Variants in ACOT2 observed in about 807,000 individuals in gnomAD.
ACOT2 encodes the protein acyl-CoA thioesterase 2.
A neutral mutation model predicts 20.1 loss-of-function variants in ACOT2; 15 were observed. The ratio of observed to expected loss-of-function variants is 0.75; its 90% CI spans 0.50 to 1.15. The LOEUF (loss-of-function observed/expected upper bound fraction) is 1.15. ACOT2 is among the 50% of genes most tolerant of loss of function. The pLI is 0.00. For synonymous variants in ACOT2, 252 were observed against 268.4 expected (o/e 0.94, Z 0.60); for missense variants, 479 against 615.3 (o/e 0.78, Z 2.34).
At chr14:73,572,521 AC>A (rs1316188404) in intron 1 of ACOT2, among the ~76,000 whole-genome samples, 3 of 151,480 alleles carry the variant, frequency 2.0e-5, no homozygotes, top group African/African-American at 7.3e-5. Flanking sequence ...AGAGTGATAC[AC>A]AGAAAGTCCA....
chr14:73,568,656 T>C (rs1327461017), upstream of ACOT2, among the ~76,000 whole-genome samples: 2 of 151,932 alleles, frequency 1.3e-5, no homozygotes, highest in African/African-American at 2.4e-5. Flanking sequence ...CGGTGGCTCA[T>C]GCCTGTAAAT....
chr14:73,572,739 G>A (rs1453614739), intron 1 of ACOT2, among the ~76,000 whole-genome samples: 3 of 146,926 alleles, frequency 2.0e-5, no homozygotes, highest in East Asian at 2.0e-4. Context: ...TCCACCTCCC[G>A]GGTTCAAGCG....
upstream of ACOT2, among the ~76,000 whole-genome samples, chr14:73,568,892 C>T (rs990421492): frequency 6.6e-6 from 1 of 151,898 alleles, no homozygotes; most frequent in African/African-American, 2.4e-5. Context: ...AAAGAAAAGC[C>T]CTAAGATTAG....
intron 1 of ACOT2, 29 bp from the exon 2 acceptor site, chr14:73,573,359 T>A: frequency 6.2e-7 from 1 of 1,613,374 alleles, no homozygotes. Context: ...AATAGCTTAG[T>A]TTTGCATTTT....
chr14:73,572,294 T>C (rs1889768595), intron 1 of ACOT2, among the ~76,000 whole-genome samples: 1 of 150,782 alleles, frequency 6.6e-6, no homozygotes, highest in African/African-American at 2.4e-5. Context: ...GTCAAAGTGA[T>C]TGAACTACAG....
At position 73,573,335 on chromosome 14, in the gene ACOT2, C is replaced by T. The variant is rs548105402; in HGVS notation, c.644-53C>T. 1,054 of 1,610,792 alleles carry T rather than the reference C, an allele frequency of 6.5e-4. 19 individuals carry two copies. In the Middle Eastern group the frequency reaches 8.4e-3, roughly 13 times the overall value. ...TAAGTATATGTTTAACTTAAACCAT[C>T]CAACTGTTTCAGGAATAGCTTAGTT... On this transcript the variant is annotated intron_variant, in intron 1 of 2. Transcript: ENST00000238651.
At chr14:73,573,698 A>T (rs1595171209) in intron 2 of ACOT2, 108 bp downstream of exon 2, 6 of 1,266,314 alleles carry the variant, frequency 4.7e-6, no homozygotes, top group Non-Finnish European at 5.7e-6. Context: ...CCCTACCCCA[A>T]CACACACTAC....
intron 1 of ACOT2, among the ~76,000 whole-genome samples, chr14:73,570,962 T>A (rs548505316): frequency 1.4e-5 from 2 of 146,470 alleles, no homozygotes; most frequent in South Asian, 4.3e-4. Context: ...ATTTATGTAT[T>A]GACTAGGAAG....
chr14:73,573,940 T>C lies in ACOT2; in HGVS notation c.846+350T>C, dbSNP rs149385016. On this transcript the variant is annotated intron_variant, in intron 2 of 2. Coordinates refer to ENST00000238651, the MANE Select transcript of ACOT2 (RefSeq NM_006821.6). ...CGGGGTTTCACAATATTGGTCAGGC[T>C]GGTCTTGAACTCCTGACCTCAAATG... is the stretch of plus-strand genomic sequence containing the variant. 4.1e-3 allele frequency among the ~76,000 whole-genome samples: 617 copies of C among 152,182 alleles called. 8 individuals are homozygous for C. The highest frequency in any genetic ancestry group is 0.014 in the African/African-American group (588 of 41,530).
intron 2 of ACOT2, 47 bp from the exon 3 acceptor site, chr14:73,574,861 C>T: frequency 6.2e-7 from 1 of 1,613,242 alleles, no homozygotes; most frequent in Non-Finnish European, 8.5e-7. Context: ...CCATATTCCA[C>T]TGTTTGTGGA....
At chr14:73,574,342 G>A in intron 2 of ACOT2, 1 of 165,128 alleles carries the variant, frequency 6.1e-6, no homozygotes. Flanking sequence ...TCGGCTCACT[G>A]CAAACTCCAC....
At position 73,569,726 on chromosome 14, in the gene ACOT2, G is replaced by A. The variant is rs1889676325; in HGVS notation, c.486G>A (p.Thr162=). 6 of 1,609,228 alleles carry A rather than the reference G, an allele frequency of 3.7e-6. No individual in the cohort carries two copies. The highest frequency in any genetic ancestry group is 2.2e-5 in the East Asian group (1 of 44,826). ...LVRLVKRDVR[T]PLAVELEVLD... ...GGCTGGTGAAGCGCGACGTGCGAACGCCCTTGGCCGTGGAGCTGGAGGTGC... is the reference window on the plus strand; with the variant it reads ...GGCTGGTGAAGCGCGACGTGCGAACACCCTTGGCCGTGGAGCTGGAGGTGC... Residue 162 remains threonine, a synonymous_variant, in exon 1 of 3, where the codon ACG becomes ACA. Transcript: ENST00000238651.
At chr14:73,569,152 C>A, upstream of ACOT2, 1 of 1,487,076 alleles carries the variant, frequency 6.7e-7, no homozygotes, top group Non-Finnish European at 9.2e-7. Flanking sequence ...TTTGGTCTGG[C>A]TGATCGGCTG....
upstream of ACOT2, among the ~76,000 whole-genome samples, chr14:73,568,353 A>G (rs1430951921): frequency 2.5e-5 from 2 of 78,660 alleles, no homozygotes; most frequent in Admixed American, 3.1e-4. Context: ...TTAAGTGATG[A>G]AAAAAAAAAA....
upstream of ACOT2, among the ~76,000 whole-genome samples, chr14:73,568,691 G>A (rs1321184782): frequency 6.6e-6 from 1 of 151,988 alleles, no homozygotes; most frequent in Non-Finnish European, 1.5e-5. Flanking sequence ...AGGCTGAGGC[G>A]GGCGGATTAC....
In ACOT2 at chr14:73,569,279, T is replaced by G. The variant is rs369310526; in HGVS notation, c.39T>G (p.Val13=). 1.1e-5 allele frequency: 18 copies of G among 1,613,886 alleles called. 1 individual carries two copies. Among genetic ancestry groups the G allele is most frequent in the Admixed American group, 1.7e-5 (1 of 60,014 alleles). The change falls in exon 1 of 3, where the codon GTT becomes GTG. Residue 13 remains valine, a synonymous_variant. Coordinates refer to ENST00000238651, the MANE Select transcript of ACOT2 (RefSeq NM_006821.6). The stretch of plus-strand genomic sequence containing the variant: ...TTCTTTCTCCCCACCCCCATTCAGT[T>G]GTTCTCAGGTCTGAATTCAAAATGG... ...NKLLSPHPHS[V]VLRSEFKMAS...
intron 1 of ACOT2, among the ~76,000 whole-genome samples, chr14:73,570,747 A>G (rs540429649): frequency 2.0e-5 from 3 of 151,390 alleles, no homozygotes; most frequent in Admixed American, 2.0e-4. Flanking sequence ...TCTACTAAAA[A>G]TAGAAAAATT....
intron 1 of ACOT2, among the ~76,000 whole-genome samples, chr14:73,572,327 A>C (rs1255440811): frequency 6.6e-6 from 1 of 151,846 alleles, no homozygotes; most frequent in Non-Finnish European, 1.5e-5. Context: ...ACATCTATCA[A>C]GATATACAAA....
At chr14:73,572,845 C>T (rs2140334530) in intron 1 of ACOT2, among the ~76,000 whole-genome samples, 1 of 149,510 alleles carries the variant, frequency 6.7e-6, no homozygotes, top group East Asian at 1.9e-4. Context: ...GGGGTTTCAC[C>T]ATGTTGGCCA....
Sources: gnomAD v4.1 joint callset for allele counts (sites outside exome capture counted in the v4.1 genomes callset) on GRCh38, gnomAD v4.1.1 for gene constraint, MANE v1.5 for transcripts, NCBI Gene and HGNC (gene_info 2026-07-23, HGNC 2026-07-21) for gene names.